PRDM5: variants seen among roughly 807,000 people sequenced by gnomAD.
The protein encoded by PRDM5 is PR/SET domain 5.
A neutral mutation model predicts 81.2 loss-of-function variants in PRDM5; 56 were observed. The ratio of observed to expected loss-of-function variants is 0.69; its 90% CI spans 0.56 to 0.86. The LOEUF (loss-of-function observed/expected upper bound fraction) is 0.86, where lower values mean the gene tolerates loss of function less well. Ranked by LOEUF, PRDM5 falls within the 40% of genes least tolerant of loss-of-function variation. The pLI, the probability that PRDM5 is intolerant of heterozygous loss-of-function variation, is 0.00. For missense variants in PRDM5, 697 were observed against 770.1 expected (o/e 0.91, Z 1.12); for synonymous variants, 267 against 256.4 (o/e 1.04, Z -0.39).
chr4:120,903,733 C>T (rs569251418), intron 2 of PRDM5, among the ~76,000 whole-genome samples: 2 of 152,154 alleles, frequency 1.3e-5, no homozygotes, highest in Admixed American at 6.5e-5. Context: ...ATACTGTTCT[C>T]GTGGTAGTGA....
At chr4:120,710,218 CAG>C in intron 15 of PRDM5, 89 bp downstream of exon 15, 2 of 829,862 alleles carry the variant, frequency 2.4e-6, no homozygotes, top group African/African-American at 1.8e-5. Flanking sequence ...CACACACACA[CAG>C]ACACACACAC....
At position 120,754,539 on chromosome 4, in the gene PRDM5, G is replaced by GA. The variant is rs773955530; in HGVS notation, c.1623+13dup. On this transcript the variant is annotated intron_variant, in intron 14 of 15. Transcript: ENST00000264808. ...TTTCATGATCAATATTAATGAAACA[G>GA]AATATAATCTTACCCTGGTGTGAGT... is the stretch of plus-strand genomic sequence containing the variant. 2 of 1,516,920 alleles carry GA rather than the reference G, an allele frequency of 1.3e-6. No individual in the cohort carries two copies. Among genetic ancestry groups the GA allele is most frequent in the South Asian group, 2.2e-5 (2 of 89,048 alleles). 94.0% of individuals were successfully genotyped at this position (1,516,920 alleles called of 1,614,324 possible).
chr4:120,739,665 A>C (rs1177486348), intron 14 of PRDM5, among the ~76,000 whole-genome samples: 2 of 151,928 alleles, frequency 1.3e-5, no homozygotes, highest in Non-Finnish European at 2.9e-5. Context: ...GAATGAAATC[A>C]AGCTTACTTT....
rs138064630 is a variant in PRDM5, at chr4:120,720,884, T to C, written c.1624-10471A>G. On this transcript the variant is annotated intron_variant, in intron 14 of 15. Transcript: ENST00000264808. Reference sequence around the variant, plus strand: ...GTAGCTAATGAAAAACACACTTCTATAAATTAGGAAAATGAATTGCACAAG... The same window carrying C: ...GTAGCTAATGAAAAACACACTTCTACAAATTAGGAAAATGAATTGCACAAG... Among the ~76,000 whole-genome samples the C allele has an allele frequency of 1.7e-3, 257 of 152,322 alleles. 1 individual carries two copies. The highest frequency in any genetic ancestry group is 5.9e-3 in the African/African-American group (244 of 41,566).
chr4:120,816,749 GAAT>G, intron 6 of PRDM5, 80 bp downstream of exon 6: 1 of 1,514,758 alleles, frequency 6.6e-7, no homozygotes, highest in Non-Finnish European at 9.2e-7. Flanking sequence ...ATGTGAAACT[GAAT>G]TACTAAGAAG....
chr4:120,806,362 T>C (rs954343273), intron 8 of PRDM5, among the ~76,000 whole-genome samples: 16 of 152,090 alleles, frequency 1.1e-4, no homozygotes, highest in African/African-American at 3.6e-4. Context: ...AAAGTTCCTA[T>C]GGAACTAAAA....
At chr4:120,871,298 G>C (rs1346551547) in intron 2 of PRDM5, among the ~76,000 whole-genome samples, 1 of 152,172 alleles carries the variant, frequency 6.6e-6, no homozygotes, top group Non-Finnish European at 1.5e-5. Context: ...ATCTGCTTCT[G>C]TTCTTCCTCA....
At chr4:120,851,955 T>G (rs1436602623) in intron 3 of PRDM5, among the ~76,000 whole-genome samples, 1 of 152,194 alleles carries the variant, frequency 6.6e-6, no homozygotes, top group Non-Finnish European at 1.5e-5. Context: ...ACCATAGCTT[T>G]ACTTCCTCTT....
chr4:120,777,149 T>C (rs1257228206), intron 13 of PRDM5, 39 bp downstream of exon 13: 1 of 1,612,890 alleles, frequency 6.2e-7, no homozygotes, highest in East Asian at 2.2e-5. Flanking sequence ...GTGATTTCTC[T>C]AAGTGGTTTT....
chr4:120,898,825 G>A (rs1232005109), intron 2 of PRDM5, among the ~76,000 whole-genome samples: 3 of 152,022 alleles, frequency 2.0e-5, no homozygotes, highest in Non-Finnish European at 4.4e-5. Flanking sequence ...CTAAAACATA[G>A]GTCCCAGAAG....
intron 10 of PRDM5, among the ~76,000 whole-genome samples, chr4:120,790,545 T>C (rs1019024605): frequency 6.6e-6 from 1 of 152,188 alleles, no homozygotes; most frequent in African/African-American, 2.4e-5. Flanking sequence ...TTTTTTAAAT[T>C]GAGATTTATG....
chr4:120,861,394 C>A (rs1486337760), intron 2 of PRDM5, among the ~76,000 whole-genome samples: 1 of 152,036 alleles, frequency 6.6e-6, no homozygotes, highest in East Asian at 1.9e-4. Context: ...TTTTTGGTAG[C>A]AAAATTCTAA....
At chr4:120,835,943 C>T (rs1351218835) in intron 3 of PRDM5, among the ~76,000 whole-genome samples, 1 of 152,074 alleles carries the variant, frequency 6.6e-6, no homozygotes, top group Non-Finnish European at 1.5e-5. Context: ...AAAAGGAAAT[C>T]TGAAAAGCAT....
At chr4:120,869,393 C>T (rs1761548133) in intron 2 of PRDM5, among the ~76,000 whole-genome samples, 1 of 152,306 alleles carries the variant, frequency 6.6e-6, no homozygotes, top group Admixed American at 6.5e-5. Flanking sequence ...AAGTGGTTTT[C>T]ACTTGTAGAA....
chr4:120,717,564 T>C (rs1011620180), intron 14 of PRDM5, among the ~76,000 whole-genome samples: 2 of 152,234 alleles, frequency 1.3e-5, no homozygotes, highest in African/African-American at 4.8e-5. Flanking sequence ...CAAAGTTAAA[T>C]TTTAGATATA....
intron 15 of PRDM5, among the ~76,000 whole-genome samples, chr4:120,708,079 G>A (rs1278011773): frequency 1.3e-5 from 2 of 152,054 alleles, no homozygotes; most frequent in Non-Finnish European, 2.9e-5. Flanking sequence ...CGCTCCTAAG[G>A]AAAACAGTAT....
intron 2 of PRDM5, among the ~76,000 whole-genome samples, chr4:120,893,117 G>A (rs1441135725): frequency 2.0e-5 from 3 of 152,174 alleles, no homozygotes; most frequent in African/African-American, 7.2e-5. Flanking sequence ...ACATCCTGAC[G>A]GCTCTCTGCC....
At chr4:120,724,959 C>A (rs1277310063) in intron 14 of PRDM5, among the ~76,000 whole-genome samples, 1 of 152,066 alleles carries the variant, frequency 6.6e-6, no homozygotes, top group East Asian at 1.9e-4. Flanking sequence ...ATAAACCTGC[C>A]CCAGTCAAAC....
intron 3 of PRDM5, among the ~76,000 whole-genome samples, chr4:120,835,673 G>T (rs1197362310): frequency 6.6e-6 from 1 of 152,116 alleles, no homozygotes; most frequent in East Asian, 1.9e-4. Context: ...GGCCTCCCCA[G>T]CCATGAGGAA....
Sources: gnomAD v4.1 joint callset for allele counts (sites outside exome capture counted in the v4.1 genomes callset) on GRCh38, gnomAD v4.1.1 for gene constraint, MANE v1.5 for transcripts, NCBI Gene and HGNC (gene_info 2026-07-23, HGNC 2026-07-21) for gene names.